Variants in ZNF431 observed in about 807,000 individuals in gnomAD.
ZNF431 encodes the protein zinc finger protein 431.
A neutral mutation model predicts 57.0 loss-of-function variants in ZNF431; 34 were observed. The ratio of observed to expected loss-of-function variants is 0.60; its 90% CI spans 0.45 to 0.79. The LOEUF is 0.79. ZNF431 is among the 30% of genes least tolerant of loss of function. ZNF431 has a pLI of 0.00. For synonymous variants in ZNF431, 207 were observed against 220.3 expected (o/e 0.94, Z 0.54); for missense variants, 607 against 667.1 (o/e 0.91, Z 0.99).
At chr19:21,150,504 C>T in intron 2 of ZNF431, 1 of 180,772 alleles carries the variant, frequency 5.5e-6, no homozygotes, top group South Asian at 1.3e-4. Flanking sequence ...CAGCGTGGAG[C>T]CCAGGGCCAG....
At position 21,159,293 on chromosome 19, in the gene ZNF431, T is replaced by G. The variant is rs73539770; in HGVS notation, c.97-7042T>G. Among the ~76,000 whole-genome samples, 1,080 of 152,248 alleles carry G rather than the reference T, an allele frequency of 7.1e-3. 19 individuals carry two copies. Among genetic ancestry groups the G allele is most frequent in the African/African-American group, 0.025 (1,022 of 41,556 alleles). Reference sequence around the variant, plus strand: ...AGTTTTCTATTTTTTGTTTTATCTCTGCCAGGTTTTGGTATCAGAATTCTA... The same window carrying G: ...AGTTTTCTATTTTTTGTTTTATCTCGGCCAGGTTTTGGTATCAGAATTCTA... On this transcript the variant is annotated intron_variant, in intron 2 of 4. Transcript: ENST00000311048.
intron 2 of ZNF431, among the ~76,000 whole-genome samples, chr19:21,154,288 C>G (rs539476449): frequency 2.0e-5 from 3 of 151,964 alleles, no homozygotes; most frequent in African/African-American, 7.3e-5. Flanking sequence ...TTTGTCCTTG[C>G]GATAGTTTGC....
At chr19:21,169,350 A>G (rs1970815689) in intron 4 of ZNF431, among the ~76,000 whole-genome samples, 1 of 152,194 alleles carries the variant, frequency 6.6e-6, no homozygotes, top group African/African-American at 2.4e-5. Context: ...CTTGTGCCAC[A>G]TACTTTCAGT....
At chr19:21,145,287 A>G (rs541258556) in intron 2 of ZNF431, among the ~76,000 whole-genome samples, 61 of 152,304 alleles carry the variant, frequency 4.0e-4, no homozygotes, top group African/African-American at 1.4e-3. Flanking sequence ...CATCCTGGCT[A>G]ACACGGTGAA....
chr19:21,167,120 A>G (rs1305734003), intron 3 of ZNF431, among the ~76,000 whole-genome samples: 1 of 151,202 alleles, frequency 6.6e-6, no homozygotes, highest in Non-Finnish European at 1.5e-5. Context: ...ACCCTTCCAA[A>G]GTGCTGGGAT....
rs1385858472 is a variant in ZNF431, at chr19:21,144,109, C to T, written c.96+466C>T. Among the ~76,000 whole-genome samples the T allele has an allele frequency of 2.1e-5, 3 of 145,098 alleles. No homozygotes were observed. In the East Asian group the frequency reaches 7.1e-4, roughly 34 times the overall value. On this transcript the variant is annotated intron_variant, in intron 2 of 4. Transcript: ENST00000311048. ...TGTTTTTTAATCAGCACTGCCACTC[C>T]CTGGGTTTGTCACCTTGAAAATATT...
chr19:21,189,744 T>A lies in ZNF431; in HGVS notation c.*5710T>A, dbSNP rs1039673867. 1.0e-5 allele frequency: 4 copies of A among 393,498 alleles called. No homozygotes were observed. The highest frequency in any genetic ancestry group is 1.8e-5 in the Non-Finnish European group (4 of 223,430). 24.4% of individuals were successfully genotyped at this position (393,498 alleles called of 1,614,324 possible). On this transcript the variant is annotated 3_prime_UTR_variant, in exon 5 of 5. Coordinates refer to ENST00000311048, the MANE Select transcript of ZNF431 (RefSeq NM_133473.4). ...ATCAATGGGATTAAGTTTTTTGGAA[T>A]CCATGTGTAAGTGAAATTATGAGAC...
At position 21,182,750 on chromosome 19, in the gene ZNF431, A is replaced by G; in HGVS notation, c.447A>G (p.Ala149=). ...HENLQLRKGS[A]SVDEYKVHKE... ...ATTTACAGTTAAGAAAAGGCTCCGC[A>G]AGTGTAGATGAGTATAAGGTGCACA... The change falls in exon 5 of 5, where the codon GCA becomes GCG. Residue 149 remains alanine, a synonymous_variant. Coordinates refer to ENST00000311048, the MANE Select transcript of ZNF431 (RefSeq NM_133473.4). The G allele has an allele frequency of 6.2e-7, 1 of 1,613,992 alleles. No homozygotes were observed. The highest frequency in any genetic ancestry group is 8.5e-7 in the Non-Finnish European group (1 of 1,179,902).
intron 2 of ZNF431, among the ~76,000 whole-genome samples, chr19:21,147,901 C>T (rs1324671659): frequency 6.6e-6 from 1 of 152,004 alleles, no homozygotes; most frequent in Non-Finnish European, 1.5e-5. Flanking sequence ...CAGTTGACAG[C>T]CTTTTCTGTG....
chr19:21,182,474 T>C (rs1432442809), intron 4 of ZNF431, 149 bp from the exon 5 acceptor site: 4 of 904,320 alleles, frequency 4.4e-6, no homozygotes, highest in Non-Finnish European at 6.2e-6. Flanking sequence ...ATATTTTTAT[T>C]AGATTTATAT....
At chr19:21,172,252 A>C (rs1157753737) in intron 4 of ZNF431, among the ~76,000 whole-genome samples, 2 of 151,328 alleles carry the variant, frequency 1.3e-5, no homozygotes, top group Non-Finnish European at 2.9e-5. Flanking sequence ...AATATGGTGA[A>C]ACCCTGTCTC....
At chr19:21,145,778 A>T (rs901961818) in intron 2 of ZNF431, among the ~76,000 whole-genome samples, 1 of 152,212 alleles carries the variant, frequency 6.6e-6, no homozygotes, top group African/African-American at 2.4e-5. Flanking sequence ...CAATTATAAA[A>T]ACTGTAAGTA....
rs1971447011 is a variant in ZNF431 at position 21,189,024 on chromosome 19, T to TA, written c.*4991dup. Reference sequence around the variant, plus strand: ...TAGCCCCAAAACTATATATTTTTGATACTATTTAACCAAGATTATCACAAA... The same window carrying TA: ...TAGCCCCAAAACTATATATTTTTGATAACTATTTAACCAAGATTATCACAAA... On this transcript the variant is annotated 3_prime_UTR_variant, in exon 5 of 5. Coordinates refer to ENST00000311048, the MANE Select transcript of ZNF431 (RefSeq NM_133473.4). The TA allele has an allele frequency of 6.6e-6, 1 of 152,224 alleles. No homozygotes were observed. The highest frequency in any genetic ancestry group is 2.4e-5 in the African/African-American group (1 of 41,462). The allele number at this position is 152,224 out of a possible 1,614,324, so 9.4% of individuals were successfully genotyped here. A position where few individuals can be genotyped will look rare whatever the true frequency, so the allele number is the denominator to read the frequency against.
chr19:21,190,652 C>A lies in ZNF431; in HGVS notation c.*6618C>A, dbSNP rs1306988359. The A allele has an allele frequency of 8.3e-6, 1 of 119,904 alleles. No individual in the cohort carries two copies. Among genetic ancestry groups the A allele is most frequent in the East Asian group, 2.3e-4 (1 of 4,410 alleles). 7.4% of individuals were successfully genotyped at this position (119,904 alleles called of 1,614,324 possible). On this transcript the variant is annotated 3_prime_UTR_variant, in exon 5 of 5. Transcript: ENST00000311048. ...TTTTCTTGAAAAATATTTATTTCAGCTATTTCCTTTTTTTTTTTTTTCTTT... is the reference window on the plus strand; with the variant it reads ...TTTTCTTGAAAAATATTTATTTCAGATATTTCCTTTTTTTTTTTTTTCTTT...
intron 1 of ZNF431, 147 bp from the exon 2 acceptor site, chr19:21,143,404 T>A (rs991608650): frequency 1.6e-5 from 10 of 629,530 alleles, no homozygotes; most frequent in Middle Eastern, 3.0e-4. Context: ...TTGGAAACTT[T>A]ATGGGGTGAT....
intron 2 of ZNF431, among the ~76,000 whole-genome samples, chr19:21,154,036 T>C (rs879511737): frequency 6.6e-6 from 1 of 152,150 alleles, no homozygotes; most frequent in Admixed American, 6.5e-5. Flanking sequence ...ATTTTTTTTT[T>C]ATTATACTTT....
chr19:21,172,303 G>C (rs8105783), intron 4 of ZNF431, among the ~76,000 whole-genome samples: 140,116 of 150,522 alleles, frequency 0.93, 65,454 homozygotes, highest in Middle Eastern at 0.98. Context: ...TGGTGTATGT[G>C]TGTAATTTGA....
In ZNF431 at chr19:21,166,340, A is replaced by G. The variant is rs376327036; in HGVS notation, c.102A>G (p.Thr34=). The G allele has an allele frequency of 4.9e-5, 79 of 1,612,822 alleles. No individual in the cohort carries two copies. Among genetic ancestry groups the G allele is most frequent in the Admixed American group, 5.0e-5 (3 of 59,684 alleles). ...TCTGTGCTTGTGTTTTTCAGGAGAC[A>G]TTGACATTTAGGGATGTGGCCATAG... ...LLVYSYFEKE[T]LTFRDVAIEF... is the part of the protein sequence containing the mutation. Residue 34 remains threonine (T), a synonymous_variant, in exon 3 of 5, where the codon ACA becomes ACG. Coordinates refer to ENST00000311048, the MANE Select transcript of ZNF431 (RefSeq NM_133473.4).
intron 2 of ZNF431, among the ~76,000 whole-genome samples, chr19:21,159,727 A>T (rs1340433345): frequency 1.3e-5 from 2 of 152,198 alleles, no homozygotes; most frequent in Non-Finnish European, 2.9e-5. Flanking sequence ...GTATTTTAAA[A>T]TAATTTTGGT....
Sources: allele counts gnomAD v4.1 joint callset (sites outside exome capture counted in the v4.1 genomes callset), GRCh38; gene constraint gnomAD v4.1.1; transcripts MANE v1.5; gene names NCBI Gene and HGNC (gene_info 2026-07-23, HGNC 2026-07-21).